PCDH7: variants seen among roughly 807,000 people sequenced by gnomAD.
PCDH7 encodes the protein protocadherin 7.
PCDH7 carries 17 observed loss-of-function variants against 58.9 expected under a neutral mutation model. The ratio of observed to expected loss-of-function variants is 0.29; its 90% CI spans 0.20 to 0.43. The LOEUF is 0.43. Among genes scored for constraint, PCDH7 ranks in the 20% least tolerant of loss-of-function variants. The probability of loss-of-function intolerance (pLI) is 1.00; values close to 1 mark genes in which losing one functional copy is unlikely to be tolerated. For missense variants in PCDH7, 1,274 were observed against 1,441.0 expected, an observed-to-expected ratio of 0.88 and a Z score of 1.88; for synonymous variants, 664 against 616.4, an observed-to-expected ratio of 1.08 and a Z score of -1.14.
intron 3 of PCDH7, among the ~76,000 whole-genome samples, chr4:31,140,970 A>G (rs1005398184): frequency 6.6e-6 from 1 of 152,222 alleles, no homozygotes; most frequent in South Asian, 2.1e-4. Context: ...GTTAACGCTT[A>G]GTCAAGGGCA....
chr4:30,833,184 A>C (rs934976067), intron 1 of PCDH7, among the ~76,000 whole-genome samples: 4 of 152,176 alleles, frequency 2.6e-5, no homozygotes, highest in Non-Finnish European at 5.9e-5. Context: ...TGCTGTTCTA[A>C]CAAATTGAGT....
At chr4:30,763,063 T>C (rs1271825157) in intron 1 of PCDH7, among the ~76,000 whole-genome samples, 1 of 152,046 alleles carries the variant, frequency 6.6e-6, no homozygotes, top group Non-Finnish European at 1.5e-5. Context: ...GCCAACATGG[T>C]GAAACCCCGT....
chr4:30,903,368 C>G (rs1740479681), intron 1 of PCDH7, among the ~76,000 whole-genome samples: 1 of 151,918 alleles, frequency 6.6e-6, no homozygotes, highest in South Asian at 2.1e-4. Flanking sequence ...AAAATTAGGC[C>G]AATCCTGAAA....
At chr4:31,090,501 G>A (rs1386616558) in intron 3 of PCDH7, among the ~76,000 whole-genome samples, 2 of 151,874 alleles carry the variant, frequency 1.3e-5, no homozygotes, top group Non-Finnish European at 2.9e-5. Context: ...GCAAATACTA[G>A]GCCTTACTCA....
chr4:31,097,813 A>T (rs1714349440), intron 3 of PCDH7, among the ~76,000 whole-genome samples: 1 of 151,354 alleles, frequency 6.6e-6, no homozygotes, highest in Non-Finnish European at 1.5e-5. Flanking sequence ...TTCAGACATT[A>T]ACTCTAATTA....
intron 3 of PCDH7, among the ~76,000 whole-genome samples, chr4:31,063,130 G>A (rs558729507): frequency 6.6e-6 from 1 of 151,970 alleles, no homozygotes; most frequent in East Asian, 1.9e-4. Flanking sequence ...AAGCATAACT[G>A]AAAGTTGAGA....
chr4:31,053,190 G>T (rs1756896078), intron 3 of PCDH7, among the ~76,000 whole-genome samples: 1 of 152,032 alleles, frequency 6.6e-6, no homozygotes, highest in Non-Finnish European at 1.5e-5. Context: ...CACTTCCAGA[G>T]TTTTGCATAC....
intron 1 of PCDH7, among the ~76,000 whole-genome samples, chr4:30,841,269 T>A (rs985472677): frequency 2.0e-5 from 3 of 152,146 alleles, no homozygotes; most frequent in Admixed American, 1.3e-4. Context: ...ACCTTAAGAC[T>A]TCACAATTTG....
intron 1 of PCDH7, among the ~76,000 whole-genome samples, chr4:30,806,211 T>C (rs1726177888): frequency 6.6e-6 from 1 of 152,182 alleles, no homozygotes; most frequent in Admixed American, 6.5e-5. Flanking sequence ...CATGTCCTTA[T>C]TGAGTACTAG....
chr4:30,924,845 A>G (rs1160570099), intron 2 of PCDH7, among the ~76,000 whole-genome samples: 1 of 151,750 alleles, frequency 6.6e-6, no homozygotes, highest in Non-Finnish European at 1.5e-5. Flanking sequence ...AATAATATAT[A>G]TTTTTCTGTA....
intron 3 of PCDH7, among the ~76,000 whole-genome samples, chr4:31,138,711 T>C (rs929927807): frequency 2.6e-5 from 4 of 152,052 alleles, no homozygotes; most frequent in East Asian, 3.9e-4. Context: ...TAAAAACTGT[T>C]ACTTTCTCCC....
chr4:30,932,242 T>C (rs1418047125), intron 2 of PCDH7, among the ~76,000 whole-genome samples: 1 of 152,192 alleles, frequency 6.6e-6, no homozygotes, highest in Non-Finnish European at 1.5e-5. Flanking sequence ...TCCAGTCCAT[T>C]TGATGTTTGC....
At chr4:30,841,228 A>G (rs908675621) in intron 1 of PCDH7, among the ~76,000 whole-genome samples, 1 of 152,106 alleles carries the variant, frequency 6.6e-6, no homozygotes, top group African/African-American at 2.4e-5. Flanking sequence ...ACAGTCACAA[A>G]GAAAGACAAT....
At chr4:31,056,492 A>AGAAAGAAAGAAAGAAAGAAAGAAAGAAG (rs1757225938) in intron 3 of PCDH7, among the ~76,000 whole-genome samples, 2 of 136,044 alleles carry the variant, frequency 1.5e-5, no homozygotes, top group Non-Finnish European at 3.2e-5. Flanking sequence ...AAAGAAAGAA[A>AGAAAGAAAGAAAGAAAGAAAGAAAGAAG]GAAAGAAAGA....
At chr4:30,801,759 A>G (rs182106812) in intron 1 of PCDH7, among the ~76,000 whole-genome samples, 2 of 152,324 alleles carry the variant, frequency 1.3e-5, no homozygotes, top group Admixed American at 1.3e-4. Flanking sequence ...AAAAAGGTGT[A>G]TTCCAGCTCC....
chr4:30,847,176 A>G (rs1732085943), intron 1 of PCDH7, among the ~76,000 whole-genome samples: 1 of 152,120 alleles, frequency 6.6e-6, no homozygotes, highest in South Asian at 2.1e-4. Flanking sequence ...AAAAGGTTTT[A>G]ACTTTATTCA....
chr4:30,893,009 C>T (rs1738821863), intron 1 of PCDH7, among the ~76,000 whole-genome samples: 1 of 152,002 alleles, frequency 6.6e-6, no homozygotes. Flanking sequence ...ACAGCTGCCT[C>T]TGCATCAAGT....
intron 3 of PCDH7, among the ~76,000 whole-genome samples, chr4:30,950,646 TA>T (rs1454360350): frequency 6.6e-6 from 1 of 152,226 alleles, no homozygotes; most frequent in Admixed American, 6.5e-5. Context: ...CACAAAATTT[TA>T]TGCACATAAT....
intron 3 of PCDH7, among the ~76,000 whole-genome samples, chr4:31,032,345 C>T (rs535756181): frequency 3.9e-5 from 6 of 152,204 alleles, no homozygotes; most frequent in South Asian, 4.1e-4. Context: ...TTGTGGCTCA[C>T]GCCTGTAATC....
Sources: allele counts gnomAD v4.1 joint callset (sites outside exome capture counted in the v4.1 genomes callset), GRCh38; gene constraint gnomAD v4.1.1; transcripts MANE v1.5; gene names NCBI Gene and HGNC (gene_info 2026-07-23, HGNC 2026-07-21).